Variants in ADAMTS19 observed in about 807,000 individuals in gnomAD.
ADAMTS19 encodes the protein ADAM metallopeptidase with thrombospondin type 1 motif 19.
A neutral mutation model predicts 153.3 loss-of-function variants in ADAMTS19; 93 were observed. The observed-to-expected ratio is 0.61, with a 90% CI of 0.51 to 0.72. ADAMTS19 has a LOEUF of 0.72. ADAMTS19 is among the 30% of genes least tolerant of loss of function. ADAMTS19 has a pLI of 0.00. For missense variants in ADAMTS19, 1,482 were observed against 1,552.1 expected (o/e 0.95, Z 0.76); for synonymous variants, 600 against 556.6 (o/e 1.08, Z -1.10).
chr5:129,609,894 T>C (rs1040323258), intron 8 of ADAMTS19, among the ~76,000 whole-genome samples: 13 of 152,176 alleles, frequency 8.5e-5, no homozygotes, highest in African/African-American at 2.9e-4. Flanking sequence ...AACTTTTTCA[T>C]GTCACAGTTT....
intron 2 of ADAMTS19, among the ~76,000 whole-genome samples, chr5:129,462,324 G>A (rs1749702428): frequency 6.6e-6 from 1 of 152,190 alleles, no homozygotes; most frequent in African/African-American, 2.4e-5. Context: ...GGAGTTGGGA[G>A]GGACTCAACT....
intron 2 of ADAMTS19, among the ~76,000 whole-genome samples, chr5:129,499,123 C>G (rs143141643): frequency 1.1e-4 from 17 of 152,036 alleles, no homozygotes; most frequent in African/African-American, 3.9e-4. Context: ...AATTCGCTCC[C>G]TATATTTAAC....
intron 2 of ADAMTS19, among the ~76,000 whole-genome samples, chr5:129,467,875 G>A (rs1021974577): frequency 6.6e-6 from 1 of 152,204 alleles, no homozygotes; most frequent in Admixed American, 6.5e-5. Context: ...TGCTTATAGT[G>A]TCTGATCTGG....
chr5:129,570,113 T>C (rs1753844257), intron 7 of ADAMTS19, among the ~76,000 whole-genome samples: 1 of 151,920 alleles, frequency 6.6e-6, no homozygotes, highest in South Asian at 2.1e-4. Context: ...CAAAATGGAA[T>C]AGCAATAGTG....
chr5:129,490,321 TA>T (rs1357899119), intron 2 of ADAMTS19, among the ~76,000 whole-genome samples: 2 of 152,294 alleles, frequency 1.3e-5, no homozygotes, highest in African/African-American at 4.8e-5. Context: ...TGATCAACTG[TA>T]AAATGCACAC....
At chr5:129,643,367 C>CAAAAA (rs556007087) in intron 11 of ADAMTS19, among the ~76,000 whole-genome samples, 73 of 40,342 alleles carry the variant, frequency 1.8e-3, no homozygotes, top group Non-Finnish European at 2.6e-3. Flanking sequence ...GTTTCAAAGA[C>CAAAAA]AAAAAAAAAA....
intron 2 of ADAMTS19, among the ~76,000 whole-genome samples, chr5:129,498,573 A>T (rs1373810544): frequency 6.6e-6 from 1 of 152,106 alleles, no homozygotes; most frequent in Non-Finnish European, 1.5e-5. Flanking sequence ...AATGATAATT[A>T]GAAGTGTACA....
At chr5:129,565,819 G>A (rs908035880) in intron 7 of ADAMTS19, among the ~76,000 whole-genome samples, 1 of 152,016 alleles carries the variant, frequency 6.6e-6, no homozygotes, top group Non-Finnish European at 1.5e-5. Flanking sequence ...AGGGAAAAAA[G>A]GTCTGCCATC....
At chr5:129,534,451 A>C (rs1254147838) in intron 6 of ADAMTS19, among the ~76,000 whole-genome samples, 2 of 152,164 alleles carry the variant, frequency 1.3e-5, no homozygotes, top group African/African-American at 2.4e-5. Context: ...CAACCAAAAA[A>C]ATCCAGGACC....
intron 20 of ADAMTS19, among the ~76,000 whole-genome samples, chr5:129,702,939 AAAATATATATATATAT>A (rs1311646058): frequency 2.1e-4 from 3 of 14,222 alleles, no homozygotes; most frequent in African/African-American, 5.0e-4. Context: ...CAAAAAAAAA[AAAATATATATATATAT>A]ATATATATAT....
intron 21 of ADAMTS19, 119 bp downstream of exon 21, chr5:129,704,510 G>T: frequency 8.6e-7 from 1 of 1,164,046 alleles, no homozygotes; most frequent in Non-Finnish European, 1.2e-6. Context: ...AAACATCATG[G>T]GATATGGGGC....
chr5:129,503,398 AATG>A (rs1405525645), intron 2 of ADAMTS19, among the ~76,000 whole-genome samples: 2 of 152,220 alleles, frequency 1.3e-5, no homozygotes, highest in African/African-American at 2.4e-5. Context: ...GTAATACTGA[AATG>A]ATATTTTATT....
At chr5:129,530,157 A>C (rs896961505) in intron 6 of ADAMTS19, among the ~76,000 whole-genome samples, 2 of 152,146 alleles carry the variant, frequency 1.3e-5, no homozygotes, top group African/African-American at 4.8e-5. Flanking sequence ...TATCATCCAC[A>C]ATGTCCAGAG....
chr5:129,700,409 C>T (rs2127158677), intron 19 of ADAMTS19, among the ~76,000 whole-genome samples: 1 of 152,214 alleles, frequency 6.6e-6, no homozygotes, highest in African/African-American at 2.4e-5. Flanking sequence ...AGGATATAGC[C>T]TGGTCACAGA....
chr5:129,610,271 T>G (rs1490360358), intron 8 of ADAMTS19, among the ~76,000 whole-genome samples: 3 of 152,106 alleles, frequency 2.0e-5, no homozygotes, highest in Admixed American at 6.6e-5. Flanking sequence ...CAGATTAGAA[T>G]GGAAGGTATT....
chr5:129,726,197 G>A (rs542013343), intron 21 of ADAMTS19, among the ~76,000 whole-genome samples: 18 of 152,178 alleles, frequency 1.2e-4, no homozygotes, highest in African/African-American at 2.9e-4. Flanking sequence ...ATTAAATCTC[G>A]TACATGGAGT....
At chr5:129,469,600 C>A (rs1310720995) in intron 2 of ADAMTS19, among the ~76,000 whole-genome samples, 1 of 152,118 alleles carries the variant, frequency 6.6e-6, no homozygotes, top group Admixed American at 6.6e-5. Context: ...CTATTCATTG[C>A]AGAACTTAGA....
intron 6 of ADAMTS19, among the ~76,000 whole-genome samples, chr5:129,535,501 G>T (rs2126785309): frequency 6.6e-6 from 1 of 152,246 alleles, no homozygotes; most frequent in East Asian, 1.9e-4. Flanking sequence ...GTAATTTAGA[G>T]ATTCAATGCC....
chr5:129,682,145 A>G (rs920180633), intron 17 of ADAMTS19, among the ~76,000 whole-genome samples: 1 of 152,188 alleles, frequency 6.6e-6, no homozygotes, highest in Admixed American at 6.5e-5. Context: ...GTAATTACCA[A>G]GGTTTTTCCT....
Sources: allele counts gnomAD v4.1 joint callset (sites outside exome capture counted in the v4.1 genomes callset), GRCh38; gene constraint gnomAD v4.1.1; transcripts MANE v1.5; gene names NCBI Gene and HGNC (gene_info 2026-07-23, HGNC 2026-07-21).